The following GTF2A2 variants were observed in gnomAD, a reference collection of about 807,000 sequenced individuals.
GTF2A2 encodes transcription initiation factor IIA subunit 2.
A neutral mutation model predicts 14.3 loss-of-function variants in GTF2A2; 9 were observed. The ratio of observed to expected loss-of-function variants is 0.63; its 90% CI spans 0.38 to 1.10. The LOEUF (loss-of-function observed/expected upper bound fraction) is 1.10. Ranked by LOEUF, GTF2A2 falls within the 50% of genes least tolerant of loss-of-function variation. GTF2A2 has a pLI of 0.01. For missense variants in GTF2A2, 90 were observed against 124.6 expected, an observed-to-expected ratio of 0.72 and a Z score of 1.32; for synonymous variants, 56 against 46.0, an observed-to-expected ratio of 1.22 and a Z score of -0.88.
chr15:59,643,590 T>A (rs1366803827), intron 3 of GTF2A2, among the ~76,000 whole-genome samples: 1 of 139,016 alleles, frequency 7.2e-6, no homozygotes, highest in East Asian at 2.0e-4. Flanking sequence ...AAAAGGAAAT[T>A]TTTACTTTTT....
intron 3 of GTF2A2, chr15:59,644,308 A>C (rs1891531826): frequency 6.6e-6 from 1 of 152,266 alleles, no homozygotes; most frequent in Non-Finnish European, 1.5e-5. Context: ...TTAGTAGGCA[A>C]CACTTAAATG....
intron 4 of GTF2A2, among the ~76,000 whole-genome samples, chr15:59,639,491 C>G (rs1296084145): frequency 7.3e-6 from 1 of 137,750 alleles, no homozygotes; most frequent in East Asian, 2.1e-4. Flanking sequence ...GAGATGGAGT[C>G]TAGCTGTTGC....
intron 1 of GTF2A2, among the ~76,000 whole-genome samples, chr15:59,652,664 A>G (rs1453135356): frequency 6.6e-6 from 1 of 152,138 alleles, no homozygotes; most frequent in Non-Finnish European, 1.5e-5. Context: ...GTCACTGGTA[A>G]AATCTTCAGC....
intron 3 of GTF2A2, among the ~76,000 whole-genome samples, chr15:59,645,574 G>C (rs1172284359): frequency 3.3e-5 from 5 of 152,156 alleles, no homozygotes; most frequent in Non-Finnish European, 7.4e-5. Flanking sequence ...AGTCACCCAT[G>C]ACGTTAAGGG....
rs1377896408 is a variant in GTF2A2 at position 59,639,357 on chromosome 15, G to GCTTAAGCAGAGATACAAAC, written c.305-201_305-200insGTTTGTATCTCTGCTTAAG. Among the ~76,000 whole-genome samples, 126 of 152,086 alleles carry GCTTAAGCAGAGATACAAAC rather than the reference G, an allele frequency of 8.3e-4. 1 individual carries two copies. The highest frequency in any genetic ancestry group is 1.6e-3 in the Non-Finnish European group (107 of 68,040). ...GTTTCCTTTTAAGCAGAGATACAAA[G>GCTTAAGCAGAGATACAAAC]ATGCTTAGCTCCTCATATTCATACT... On this transcript the variant is annotated intron_variant, in intron 4 of 4. Transcript: ENST00000396060.
rs537019017 is a variant in GTF2A2, at chr15:59,646,615, A to G, written c.177+4054T>C. Among the ~76,000 whole-genome samples the G allele has an allele frequency of 4.5e-4, 69 of 152,330 alleles. 2 individuals are homozygous for G. The Middle Eastern group carries it at 0.01, about 23-fold the overall frequency. ...ATTGGAGTGAAAAATCTTACATATC[A>G]TATGCTGAAATTCCATTAGTTGCAG... On this transcript the variant is annotated intron_variant, in intron 3 of 4. Transcript: ENST00000396060.
At chr15:59,643,445 G>A (rs1271145045) in intron 3 of GTF2A2, among the ~76,000 whole-genome samples, 1 of 151,518 alleles carries the variant, frequency 6.6e-6, no homozygotes, top group African/African-American at 2.4e-5. Flanking sequence ...TCAAACTTTT[G>A]GCCTCAAGCA....
intron 2 of GTF2A2, chr15:59,651,195 G>A (rs1202796087): frequency 6.8e-6 from 1 of 146,628 alleles, no homozygotes; most frequent in African/African-American, 2.6e-5. Context: ...CCTTTTTTGT[G>A]AGACGGAGTT....
intron 3 of GTF2A2, among the ~76,000 whole-genome samples, chr15:59,650,219 T>A (rs2141964675): frequency 6.6e-6 from 1 of 152,268 alleles, no homozygotes; most frequent in Non-Finnish European, 1.5e-5. Context: ...AGAGATCAGG[T>A]TTTTATCAGC....
chr15:59,643,595 CTTT>C (rs34047348), intron 3 of GTF2A2, among the ~76,000 whole-genome samples: 7 of 109,786 alleles, frequency 6.4e-5, no homozygotes, highest in Non-Finnish European at 5.6e-5. Flanking sequence ...GAAATTTTTA[CTTT>C]TTTTTTTTTT....
chr15:59,642,901 G>C (rs1232448383), intron 3 of GTF2A2, among the ~76,000 whole-genome samples: 2 of 151,778 alleles, frequency 1.3e-5, no homozygotes, highest in African/African-American at 4.8e-5. Flanking sequence ...CAAGTAGCTG[G>C]GACTACAGGT....
chr15:59,655,229 A>C (rs1220350948), intron 1 of GTF2A2, among the ~76,000 whole-genome samples: 1 of 152,100 alleles, frequency 6.6e-6, no homozygotes, highest in African/African-American at 2.4e-5. Context: ...ACAAAACAAA[A>C]ACCCCTCAAC....
At chr15:59,644,597 T>C (rs1418116214) in intron 3 of GTF2A2, among the ~76,000 whole-genome samples, 2 of 152,152 alleles carry the variant, frequency 1.3e-5, no homozygotes, top group African/African-American at 2.4e-5. Context: ...AACAGTGCTA[T>C]GAAAGAGTAA....
At chr15:59,650,599 G>A (rs1252292948) in intron 3 of GTF2A2, 70 bp downstream of exon 3, 49 of 818,722 alleles carry the variant, frequency 6.0e-5, no homozygotes, top group Non-Finnish European at 8.7e-5. Flanking sequence ...AATATGTAGG[G>A]GTCCTAAAAA....
intron 3 of GTF2A2, among the ~76,000 whole-genome samples, chr15:59,650,114 G>T (rs1457892206): frequency 1.3e-5 from 2 of 152,176 alleles, no homozygotes; most frequent in East Asian, 3.8e-4. Flanking sequence ...AGGAAATTGA[G>T]AGAGATAATT....
intron 3 of GTF2A2, among the ~76,000 whole-genome samples, chr15:59,645,638 C>T (rs143224229): frequency 3.9e-4 from 60 of 152,258 alleles, no homozygotes; most frequent in African/African-American, 1.4e-3. Context: ...TAGATCTCCT[C>T]GTTTGCTACA....
Position 59,638,870 on chromosome 15 carries a change from A to C in GTF2A2, c.*262T>G. The C allele has an allele frequency of 2.6e-6, 1 of 377,716 alleles. No individual in the cohort carries two copies. Among genetic ancestry groups the C allele is most frequent in the Non-Finnish European group, 4.8e-6 (1 of 208,088 alleles). The allele number at this position is 377,716 out of a possible 1,614,324, so 23.4% of individuals were successfully genotyped here. Reference sequence around the variant, plus strand: ...AATAGCTTCACCAGTTATTACTCAGAGTTTTAAAATGAGTTTATTAAAGAA... The same window carrying C: ...AATAGCTTCACCAGTTATTACTCAGCGTTTTAAAATGAGTTTATTAAAGAA... On this transcript the variant is annotated 3_prime_UTR_variant, in exon 5 of 5. Coordinates refer to ENST00000396060, the MANE Select transcript of GTF2A2 (RefSeq NM_004492.3).
intron 1 of GTF2A2, among the ~76,000 whole-genome samples, chr15:59,654,732 G>A (rs574617261): frequency 2.1e-4 from 32 of 152,292 alleles, no homozygotes; most frequent in African/African-American, 7.7e-4. Context: ...ACTTCACTGA[G>A]GAAACTGCAG....
At chr15:59,651,702 T>A (rs1337200011) in intron 2 of GTF2A2, 3 of 152,222 alleles carry the variant, frequency 2.0e-5, no homozygotes, top group African/African-American at 7.2e-5. Context: ...CTTTATTTAT[T>A]TAGAGGCAGG....
Sources: gnomAD v4.1 joint callset for allele counts (sites outside exome capture counted in the v4.1 genomes callset) on GRCh38, gnomAD v4.1.1 for gene constraint, MANE v1.5 for transcripts, NCBI Gene and HGNC (gene_info 2026-07-23, HGNC 2026-07-21) for gene names.